Variants in PRDM2 observed in about 807,000 individuals in gnomAD.
PRDM2 encodes PR/SET domain 2.
In PRDM2, 30 loss-of-function variants were observed where a neutral mutation model predicts 130.0. That is an observed-to-expected ratio of 0.23 (90% CI 0.17 to 0.31). The LOEUF (loss-of-function observed/expected upper bound fraction) is 0.31. Among genes scored for constraint, PRDM2 ranks in the 10% least tolerant of loss-of-function variants. The pLI, the probability that PRDM2 is intolerant of heterozygous loss-of-function variation, is 1.00. For synonymous variants in PRDM2, 871 were observed against 782.4 expected (o/e 1.11, Z -1.89); for missense variants, 2,011 against 2,108.4 (o/e 0.95, Z 0.90).
At chr1:13,742,452 T>G (rs1013153181) in intron 5 of PRDM2, among the ~76,000 whole-genome samples, 2 of 152,236 alleles carry the variant, frequency 1.3e-5, no homozygotes, top group African/African-American at 4.8e-5. Context: ...TCTACCTGCC[T>G]CAGCCTCCCA....
At chr1:13,713,653 C>T (rs1231096511) in intron 1 of PRDM2, among the ~76,000 whole-genome samples, 1 of 152,154 alleles carries the variant, frequency 6.6e-6, no homozygotes, top group African/African-American at 2.4e-5. Flanking sequence ...TTCTGTTCCT[C>T]AAAGAGAACT....
In PRDM2 at chr1:13,702,100, T is replaced by C. The variant is rs201261565; in HGVS notation, c.-66+1800T>C. ...CCTTCCCCTCTTCAGATAACCATTGTTAACGTTTGGCAGATCTTCCTGTCT... is the reference window on the plus strand; with the variant it reads ...CCTTCCCCTCTTCAGATAACCATTGCTAACGTTTGGCAGATCTTCCTGTCT... On this transcript the variant is annotated intron_variant, in intron 1 of 9. Coordinates refer to ENST00000311066, the MANE Select transcript of PRDM2 (RefSeq NM_001393986.1). Among the ~76,000 whole-genome samples the C allele has an allele frequency of 1.4e-4, 21 of 152,348 alleles. 1 individual carries two copies. In the East Asian group the frequency reaches 3.7e-3, roughly 27 times the overall value.
intron 1 of PRDM2, among the ~76,000 whole-genome samples, chr1:13,713,929 C>G (rs868797584): frequency 2.0e-5 from 3 of 152,036 alleles, no homozygotes; most frequent in African/African-American, 7.2e-5. Context: ...AGTGCAGTGG[C>G]ACGATCTCGG....
intron 8 of PRDM2, chr1:13,786,593 G>A: frequency 6.3e-7 from 1 of 1,598,552 alleles, no homozygotes; most frequent in Non-Finnish European, 8.5e-7. Flanking sequence ...CTTAGGATAA[G>A]CACTACGGCA....
At chr1:13,821,715 C>T (rs957524505) in intron 9 of PRDM2, among the ~76,000 whole-genome samples, 1 of 152,154 alleles carries the variant, frequency 6.6e-6, no homozygotes, top group South Asian at 2.1e-4. Context: ...GATCTGCCCA[C>T]CTCAGCCTCC....
rs752684354 is a variant in PRDM2, at chr1:13,780,577, G to C, written c.2782G>C (p.Gly928Arg). ...AGAAGCTCAGCCAGATCCTGACCTC[G>C]GTCCGGGCTCTGGTTTCCCTGCCCC... Reference protein sequence around the residue: ...SLEAQPDPDLGPGSGFPAPTV... With the variant: ...SLEAQPDPDLRPGSGFPAPTV... Residue 928 changes from glycine (G) to arginine (R), a missense_variant, in exon 8 of 10, where the codon GGT (glycine) becomes CGT (arginine). By Grantham distance (125) the Gly-to-Arg change is moderately radical. This residue lies in a region of PRDM2 where 1,288 missense variants were observed against 1,237.7 expected (regional missense o/e 1.04). Coordinates refer to ENST00000311066, the MANE Select transcript of PRDM2 (RefSeq NM_001393986.1). The C allele has an allele frequency of 2.5e-6, 4 of 1,614,028 alleles. No homozygotes were observed. The South Asian group carries it at 3.3e-5, about 13-fold the overall frequency.
chr1:13,728,056 C>T (rs1642980806), intron 2 of PRDM2, among the ~76,000 whole-genome samples: 1 of 152,172 alleles, frequency 6.6e-6, no homozygotes, highest in African/African-American at 2.4e-5. Context: ...AGAATACCTA[C>T]CTCAATTTCA....
chr1:13,797,602 C>G (rs1203056769), intron 8 of PRDM2, among the ~76,000 whole-genome samples: 1 of 152,070 alleles, frequency 6.6e-6, no homozygotes. Flanking sequence ...GAGCATTTTG[C>G]GGTTTGGTTT....
chr1:13,733,863 T>C (rs1643184982), intron 4 of PRDM2, among the ~76,000 whole-genome samples: 1 of 152,218 alleles, frequency 6.6e-6, no homozygotes, highest in South Asian at 2.1e-4. Context: ...TCCTGTCAGA[T>C]TGTCTGAAAC....
chr1:13,797,845 CT>C (rs1268523982), intron 8 of PRDM2, among the ~76,000 whole-genome samples: 1 of 152,100 alleles, frequency 6.6e-6, no homozygotes, highest in Non-Finnish European at 1.5e-5. Flanking sequence ...CTTCAGAGGG[CT>C]TTTAAAGTAT....
In PRDM2 at chr1:13,774,556, A is replaced by G. The variant is rs936846784; in HGVS notation, c.622+1368A>G. Among the ~76,000 whole-genome samples, 4 of 152,172 alleles carry G rather than the reference A, an allele frequency of 2.6e-5. No homozygotes were observed. The South Asian group carries it at 6.2e-4, about 24-fold the overall frequency. On this transcript the variant is annotated intron_variant, in intron 7 of 9. Coordinates refer to ENST00000311066, the MANE Select transcript of PRDM2 (RefSeq NM_001393986.1). ...TGCCGAGAGTTTTTTTTGAACAACA[A>G]AAATTACTAAGGAACCTCACTACCT...
chr1:13,801,078 C>A (rs1293038217), intron 8 of PRDM2, among the ~76,000 whole-genome samples: 1 of 152,196 alleles, frequency 6.6e-6, no homozygotes, highest in South Asian at 2.1e-4. Context: ...ACCTAGTGTT[C>A]CAGTAGTGCC....
In PRDM2 at chr1:13,730,992, A is replaced by T. The variant is rs772779189; in HGVS notation, c.10-8A>T. 2 of 1,562,952 alleles carry T rather than the reference A, an allele frequency of 1.3e-6. No individual in the cohort carries two copies. The highest frequency in any genetic ancestry group is 1.7e-6 in the Non-Finnish European group (2 of 1,157,006). ...TTTGCTGTGATCCTTCCATTTCTTG[A>T]CTTGCAGAACACTACTGAGCCTGTG... On this transcript the variant is annotated splice_region_variant and splice_polypyrimidine_tract_variant and intron_variant, in intron 2 of 9. Coordinates refer to ENST00000311066, the MANE Select transcript of PRDM2 (RefSeq NM_001393986.1).
intron 6 of PRDM2, among the ~76,000 whole-genome samples, chr1:13,754,349 A>G (rs989717429): frequency 1.3e-5 from 2 of 152,160 alleles, no homozygotes; most frequent in Non-Finnish European, 2.9e-5. Context: ...AGTCCGTTTC[A>G]TGACAGCCAC....
chr1:13,764,949 T>A (rs1313441077), intron 6 of PRDM2, among the ~76,000 whole-genome samples: 2 of 152,240 alleles, frequency 1.3e-5, no homozygotes, highest in Non-Finnish European at 2.9e-5. Flanking sequence ...TACTGTCAGA[T>A]AAGTTTCAAA....
intron 6 of PRDM2, chr1:13,769,247 A>G: frequency 1.2e-6 from 1 of 802,202 alleles, no homozygotes; most frequent in Non-Finnish European, 1.5e-6. Flanking sequence ...AAGCTCACAA[A>G]TGCCATCTCC....
chr1:13,734,891 C>T (rs1431939422), intron 4 of PRDM2, among the ~76,000 whole-genome samples: 1 of 152,138 alleles, frequency 6.6e-6, no homozygotes, highest in African/African-American at 2.4e-5. Flanking sequence ...AAGGAAGTAT[C>T]AATTATAATG....
chr1:13,782,529 G>T lies in PRDM2; in HGVS notation c.4734G>T (p.Pro1578=), dbSNP rs145161970. ...PSSSSLRNSS[P]IRMAKITHVE... The stretch of plus-strand genomic sequence containing the variant: ...CCTCCTCTTTAAGGAACTCCAGCCC[G>T]ATAAGAATGGCCAAAATAACTCATG... Residue 1578 remains proline, a synonymous_variant, in exon 8 of 10, where the codon CCG becomes CCT. Transcript: ENST00000311066. The T allele has an allele frequency of 1.9e-6, 3 of 1,614,080 alleles. No homozygotes were observed. In the East Asian group the frequency reaches 6.7e-5, roughly 36 times the overall value.
At chr1:13,808,696 T>C (rs1396437916) in intron 8 of PRDM2, among the ~76,000 whole-genome samples, 1 of 152,174 alleles carries the variant, frequency 6.6e-6, no homozygotes, top group African/African-American at 2.4e-5. Flanking sequence ...CTTCCTTCCT[T>C]ACATGTTGAG....
Sources: allele counts gnomAD v4.1 joint callset (sites outside exome capture counted in the v4.1 genomes callset), GRCh38; gene constraint gnomAD v4.1.1; regional missense constraint gnomAD v4.1.1; transcripts MANE v1.5; gene names NCBI Gene and HGNC (gene_info 2026-07-23, HGNC 2026-07-21).